The following TLK2 variants were observed in gnomAD, a reference collection of about 807,000 sequenced individuals.
TLK2 encodes tousled like kinase 2, also known as serine/threonine-protein kinase tousled-like 2.
A neutral mutation model predicts 117.3 loss-of-function variants in TLK2; 6 were observed. The observed-to-expected ratio is 0.05, with a 90% CI of 0.03 to 0.10. The LOEUF is 0.10. Ranked by LOEUF, TLK2 falls within the 10% of genes least tolerant of loss-of-function variation. The pLI, the probability that TLK2 is intolerant of heterozygous loss-of-function variation, is 1.00. For synonymous variants in TLK2, 257 were observed against 316.7 expected, an observed-to-expected ratio of 0.81 and a Z score of 2.00; for missense variants, 299 against 901.2, an observed-to-expected ratio of 0.33 and a Z score of 8.56.
intron 6 of TLK2, among the ~76,000 whole-genome samples, chr17:62,534,695 T>A (rs2076986718): frequency 1.3e-5 from 2 of 152,036 alleles, no homozygotes; most frequent in South Asian, 4.1e-4. Flanking sequence ...CTAATATTTT[T>A]ACTTCATTTT....
intron 5 of TLK2, 118 bp from the exon 6 acceptor site, chr17:62,524,118 G>A (rs1294734654): frequency 4.9e-6 from 3 of 612,376 alleles, no homozygotes; most frequent in Non-Finnish European, 8.0e-6. Flanking sequence ...AGAGTAAGAT[G>A]TGTTAACTTA....
At chr17:62,574,548 C>T (rs1343191354) in intron 12 of TLK2, 5 of 616,056 alleles carry the variant, frequency 8.1e-6, no homozygotes, top group Admixed American at 2.7e-5. Flanking sequence ...GACGAAGTCT[C>T]ACTCCGTCGC....
chr17:62,584,165 A>T (rs1598752717), intron 15 of TLK2, among the ~76,000 whole-genome samples: 1 of 119,650 alleles, frequency 8.4e-6, no homozygotes, highest in African/African-American at 3.4e-5. Flanking sequence ...CCCAGGCTGG[A>T]GAGTGCAGTG....
At chr17:62,544,169 C>G (rs1279342866) in intron 7 of TLK2, among the ~76,000 whole-genome samples, 2 of 152,214 alleles carry the variant, frequency 1.3e-5, no homozygotes, top group Admixed American at 1.3e-4. Context: ...GACTCTAAAT[C>G]TGCTCCATCT....
At chr17:62,545,388 C>A (rs1225827697) in intron 7 of TLK2, among the ~76,000 whole-genome samples, 2 of 152,074 alleles carry the variant, frequency 1.3e-5, no homozygotes, top group South Asian at 4.2e-4. Context: ...AGGTATCATC[C>A]AGTTTTTCTG....
chr17:62,608,079 A>G lies in TLK2; in HGVS notation c.2010A>G (p.Gln670=), dbSNP rs200531780. ...ACCAGTCTCAGCAAGACATCCTACA[A>G]GAGAATACGATTCTTAAAGCTACTG... The part of the protein sequence containing the change: ...GHNQSQQDIL[Q]ENTILKATEV... Residue 670 remains glutamine, a synonymous_variant, in exon 21 of 22, where the codon CAA becomes CAG. Transcript: ENST00000346027. 2.5e-6 allele frequency: 4 copies of G among 1,613,902 alleles called. No homozygotes were observed. The highest frequency in any genetic ancestry group is 3.4e-6 in the Non-Finnish European group (4 of 1,179,926).
At position 62,524,265 on chromosome 17, in the gene TLK2, C is replaced by T. The variant is rs1434671023; in HGVS notation, c.297C>T (p.Ser99=). 5 of 1,613,902 alleles carry T rather than the reference C, an allele frequency of 3.1e-6. No homozygotes were observed. In the Admixed American group the frequency reaches 6.7e-5, roughly 22 times the overall value. ...EFAGGSAPGT[S]PGRSVPPVAR... ...CTGGGGGAAGCGCGCCAGGAACCAG[C>T]CCTGGCAGAAGTGTTCCACCAGTTG... Residue 99 remains serine (S), a synonymous_variant, in exon 6 of 22, where the codon AGC becomes AGT. Coordinates refer to ENST00000346027, the MANE Select transcript of TLK2 (RefSeq NM_006852.6).
At chr17:62,481,987 C>T (rs572243165) in intron 2 of TLK2, among the ~76,000 whole-genome samples, 10 of 152,100 alleles carry the variant, frequency 6.6e-5, no homozygotes, top group African/African-American at 2.2e-4. Context: ...CTCTTGTCGC[C>T]GAGGCTGGAG....
At chr17:62,496,364 A>G (rs1047199350) in intron 2 of TLK2, among the ~76,000 whole-genome samples, 1 of 152,200 alleles carries the variant, frequency 6.6e-6, no homozygotes, top group African/African-American at 2.4e-5. Flanking sequence ...ATAGTGCTAT[A>G]GTGAATAATC....
chr17:62,492,891 T>A (rs1182892786), intron 2 of TLK2, among the ~76,000 whole-genome samples: 1 of 151,598 alleles, frequency 6.6e-6, no homozygotes, highest in Non-Finnish European at 1.5e-5. Flanking sequence ...AAATCAGGAG[T>A]TCGAGACCAG....
intron 2 of TLK2, among the ~76,000 whole-genome samples, chr17:62,490,610 C>T (rs192318652): frequency 5.3e-5 from 8 of 152,244 alleles, no homozygotes; most frequent in African/African-American, 1.4e-4. Flanking sequence ...GGCATGATCT[C>T]GGCTCACTGC....
At chr17:62,509,390 C>T (rs1158577752) in intron 2 of TLK2, among the ~76,000 whole-genome samples, 2 of 152,180 alleles carry the variant, frequency 1.3e-5, no homozygotes, top group African/African-American at 4.8e-5. Flanking sequence ...CTCCTGGTCT[C>T]TCCTAACCTT....
At chr17:62,552,838 A>C (rs1313374384) in intron 8 of TLK2, among the ~76,000 whole-genome samples, 1 of 152,160 alleles carries the variant, frequency 6.6e-6, no homozygotes, top group East Asian at 1.9e-4. Context: ...TTAGTAGTGT[A>C]CTTGTAGTAG....
intron 6 of TLK2, among the ~76,000 whole-genome samples, chr17:62,530,563 C>G (rs1844451296): frequency 6.6e-6 from 1 of 152,146 alleles, no homozygotes; most frequent in African/African-American, 2.4e-5. Flanking sequence ...ATAATGTCCC[C>G]AGAACACTGT....
chr17:62,580,758 G>C (rs1023117608), intron 15 of TLK2, among the ~76,000 whole-genome samples: 1 of 152,180 alleles, frequency 6.6e-6, no homozygotes, highest in African/African-American at 2.4e-5. Flanking sequence ...TATAGCTACA[G>C]ATCCATAACA....
intron 2 of TLK2, among the ~76,000 whole-genome samples, chr17:62,487,379 T>TTTTA (rs1249593941): frequency 6.6e-6 from 1 of 150,894 alleles, no homozygotes; most frequent in Non-Finnish European, 1.5e-5. Flanking sequence ...AAAGACTAGA[T>TTTTA]AAGTCAGCAC....
intron 6 of TLK2, 136 bp from the exon 7 acceptor site, chr17:62,536,034 A>G (rs930762931): frequency 2.0e-6 from 2 of 1,002,980 alleles, no homozygotes; most frequent in East Asian, 2.7e-5. Flanking sequence ...TATGCTCTCC[A>G]TAATTATTTT....
upstream of TLK2, among the ~76,000 whole-genome samples, chr17:62,478,385 C>G (rs1030303322): frequency 6.6e-6 from 1 of 150,790 alleles, no homozygotes; most frequent in Non-Finnish European, 1.5e-5. Context: ...TGGACCCGGG[C>G]GGCCAAGCCC....
chr17:62,600,111 C>T (rs1379775935), intron 17 of TLK2, among the ~76,000 whole-genome samples: 3 of 152,114 alleles, frequency 2.0e-5, no homozygotes, highest in East Asian at 1.9e-4. Flanking sequence ...GTTTTTGGGA[C>T]GTGGGCAAAC....
Sources: allele counts gnomAD v4.1 joint callset (sites outside exome capture counted in the v4.1 genomes callset), GRCh38; gene constraint gnomAD v4.1.1; transcripts MANE v1.5; gene names NCBI Gene and HGNC (gene_info 2026-07-23, HGNC 2026-07-21).